The following GPBP1L1 variants were observed in gnomAD, a reference collection of about 807,000 sequenced individuals.
GPBP1L1 encodes vasculin-like protein 1.
In GPBP1L1, 23 loss-of-function variants were observed where a neutral mutation model predicts 52.5. That is an observed-to-expected ratio of 0.44 (90% CI 0.32 to 0.62). GPBP1L1 has a LOEUF of 0.62. Among genes scored for constraint, GPBP1L1 ranks in the 20% least tolerant of loss-of-function variants. The pLI is 0.06. For synonymous variants in GPBP1L1, 243 were observed against 203.1 expected (o/e 1.20, Z -1.67); for missense variants, 596 against 579.3 (o/e 1.03, Z -0.30).
chr1:45,650,753 G>T (rs1644809717), intron 6 of GPBP1L1, among the ~76,000 whole-genome samples: 1 of 151,794 alleles, frequency 6.6e-6, no homozygotes, highest in African/African-American at 2.4e-5. Flanking sequence ...TAATCCACAG[G>T]TTCTGCTCTA....
chr1:45,659,157 A>T lies in GPBP1L1; in HGVS notation c.-55-15T>A, dbSNP rs1644917968. ...ATGGCCAGGATCTGAAAACAAAACA[A>T]TTCAAATCACTTATGTTTACAAGAA... On this transcript the variant is annotated splice_polypyrimidine_tract_variant and intron_variant, in intron 3 of 12. Transcript: ENST00000355105. 1 of 1,414,594 alleles carries T rather than the reference A, an allele frequency of 7.1e-7. No individual in the cohort carries two copies. 87.6% of individuals were successfully genotyped at this position (1,414,594 alleles called of 1,614,324 possible).
intron 2 of GPBP1L1, among the ~76,000 whole-genome samples, chr1:45,662,176 C>G (rs1251730370): frequency 6.6e-6 from 1 of 152,200 alleles, no homozygotes; most frequent in African/African-American, 2.4e-5. Context: ...ATTGCCTAGG[C>G]TGGAGTGCAG....
At position 45,634,230 on chromosome 1, in the gene GPBP1L1, C is replaced by T. The variant is rs1644567278; in HGVS notation, c.751G>A (p.Ala251Thr). ...TGCTCCATCCTGTTAGCTTTCCATG[C>T]ATTAGGCTACACAGGGTGAAAGAAC... ...KPVPPPSKPN[A>T]WKANRMEHKS... The change falls in exon 9 of 13, where the codon GCA becomes ACA. Residue 251 changes from alanine (A) to threonine (T), a missense_variant. Ala to Thr is a moderately conservative substitution (Grantham distance 58, BLOSUM62 0). Coordinates refer to ENST00000355105, the MANE Select transcript of GPBP1L1 (RefSeq NM_021639.5). 6.2e-7 allele frequency: 1 copy of T among 1,611,490 alleles called. No homozygotes were observed. Among genetic ancestry groups the T allele is most frequent in the Admixed American group, 1.7e-5 (1 of 59,770 alleles).
rs950699168 is a variant in GPBP1L1 at position 45,660,562 on chromosome 1, G to A, written c.-434C>T. On this transcript the variant is annotated 5_prime_UTR_variant, in exon 3 of 13. Coordinates refer to ENST00000355105, the MANE Select transcript of GPBP1L1 (RefSeq NM_021639.5). ...TAGGTAAGACATGGATATTTGCACC[G>A]AGTGCAAATACTGTTCATAACAAGG... 2.3e-5 allele frequency: 23 copies of A among 984,312 alleles called. No individual in the cohort carries two copies. In the African/African-American group the frequency reaches 2.6e-4, roughly 11 times the overall value. The allele number at this position is 984,312 out of a possible 1,614,324, so 61.0% of individuals were successfully genotyped here. A position where few individuals can be genotyped will look rare whatever the true frequency, so the allele number is the denominator to read the frequency against.
chr1:45,646,059 AT>A (rs1644741434), intron 6 of GPBP1L1: 3 of 488,558 alleles, frequency 6.1e-6, no homozygotes, highest in African/African-American at 5.9e-5. Context: ...AAATTTGCCA[AT>A]GTAACGATGC....
chr1:45,628,678 T>A (rs1644489733), intron 12 of GPBP1L1, among the ~76,000 whole-genome samples: 1 of 152,202 alleles, frequency 6.6e-6, no homozygotes, highest in Non-Finnish European at 1.5e-5. Context: ...TTATTTATTT[T>A]TTTGAGACGG....
chr1:45,678,622 C>A (rs930435644), intron 2 of GPBP1L1, among the ~76,000 whole-genome samples: 1 of 152,074 alleles, frequency 6.6e-6, no homozygotes, highest in Non-Finnish European at 1.5e-5. Flanking sequence ...CATAAGGATG[C>A]AATCATACCA....
chr1:45,686,653 G>T (rs1645292027), upstream of GPBP1L1: 2 of 152,268 alleles, frequency 1.3e-5, no homozygotes, highest in African/African-American at 4.8e-5. Flanking sequence ...AAGCGCATGC[G>T]CAAGGGACTG....
chr1:45,633,784 G>A (rs1458948204), intron 9 of GPBP1L1, 137 bp from the exon 10 acceptor site: 1 of 980,598 alleles, frequency 1.0e-6, no homozygotes. Context: ...TTTTATTTAA[G>A]CAGTTCAAAC....
At chr1:45,648,485 C>T (rs11211152) in intron 6 of GPBP1L1, among the ~76,000 whole-genome samples, 43,050 of 152,068 alleles carry the variant, frequency 0.28, 6,224 homozygotes, top group South Asian at 0.36. Context: ...ATATGCCCTA[C>T]GAGCTTTCCA....
At chr1:45,630,716 G>C (rs1159577495) in intron 10 of GPBP1L1, 110 bp from the exon 11 acceptor site, 1 of 1,224,518 alleles carries the variant, frequency 8.2e-7, no homozygotes, top group South Asian at 1.5e-5. Context: ...CCAAAAGACA[G>C]CCTCAGCCCA....
At position 45,633,575 on chromosome 1, in the gene GPBP1L1, C is replaced by T. The variant is rs1156262933; in HGVS notation, c.958G>A (p.Asp320Asn). The part of the protein sequence containing the change: ...RLTKLTRRTT[D>N]RKSEFLKTLK... ...GTTTTCAGGAACTCACTCTTCCTGT[C>T]GGTGGTTCGGCGGGTCAACTTGGTC... The change falls in exon 10 of 13, where the codon GAC becomes AAC. Residue 320 changes from aspartate to asparagine, a missense_variant. Asp to Asn is a conservative substitution (Grantham distance 23, BLOSUM62 1). Coordinates refer to ENST00000355105, the MANE Select transcript of GPBP1L1 (RefSeq NM_021639.5). The T allele has an allele frequency of 1.9e-6, 3 of 1,613,952 alleles. No homozygotes were observed. In the South Asian group the frequency reaches 3.3e-5, roughly 18 times the overall value.
At chr1:45,660,118 C>A (rs3811435) in intron 3 of GPBP1L1, 66 bp downstream of exon 3, 256,644 of 880,616 alleles carry the variant, frequency 0.29, 37,819 homozygotes, top group South Asian at 0.37. Flanking sequence ...AGAAAGCAGT[C>A]GGTATTTTTC....
chr1:45,632,046 C>A (rs554989856), intron 10 of GPBP1L1, among the ~76,000 whole-genome samples: 1 of 151,926 alleles, frequency 6.6e-6, no homozygotes, highest in Admixed American at 6.6e-5. Context: ...CATGGTGAAA[C>A]CTTGTCTCTA....
chr1:45,640,152 C>T (rs1437046102), intron 8 of GPBP1L1, 58 bp downstream of exon 8: 2 of 1,364,932 alleles, frequency 1.5e-6, no homozygotes, highest in Admixed American at 2.2e-5. Flanking sequence ...TTAATTTTTT[C>T]CTGATTTATT....
At chr1:45,680,181 G>A (rs868526075) in intron 2 of GPBP1L1, among the ~76,000 whole-genome samples, 3 of 149,392 alleles carry the variant, frequency 2.0e-5, no homozygotes, top group Admixed American at 1.3e-4. Flanking sequence ...CAAAACTATA[G>A]TTTTTTTAAA....
chr1:45,654,392 C>T, intron 6 of GPBP1L1, 151 bp downstream of exon 6: 1 of 730,792 alleles, frequency 1.4e-6, no homozygotes, highest in Non-Finnish European at 2.1e-6. Context: ...CAAATATTAT[C>T]AACTTAACTT....
At chr1:45,651,866 T>C in intron 6 of GPBP1L1, 1 of 228,404 alleles carries the variant, frequency 4.4e-6, no homozygotes. Flanking sequence ...TTTTTGACTC[T>C]TCCTTCTCTA....
intron 2 of GPBP1L1, among the ~76,000 whole-genome samples, chr1:45,676,192 T>A (rs1645137036): frequency 6.6e-6 from 1 of 152,198 alleles, no homozygotes; most frequent in Non-Finnish European, 1.5e-5. Flanking sequence ...AAGAGAAAAA[T>A]TCCTATTTAA....
Sources: allele counts gnomAD v4.1 joint callset (sites outside exome capture counted in the v4.1 genomes callset), GRCh38; gene constraint gnomAD v4.1.1; transcripts MANE v1.5; gene names NCBI Gene and HGNC (gene_info 2026-07-23, HGNC 2026-07-21).